The following ASCC3 variants were observed in gnomAD, a reference collection of about 807,000 sequenced individuals.
ASCC3 encodes the protein ASC-1 complex subunit P200.
Under a neutral mutation model 256.3 loss-of-function variants are expected in ASCC3, and 158 were observed. The ratio of observed to expected loss-of-function variants is 0.62; its 90% CI spans 0.54 to 0.70. The LOEUF (loss-of-function observed/expected upper bound fraction) is 0.70, where lower values mean the gene tolerates loss of function less well. Among genes scored for constraint, ASCC3 ranks in the 30% least tolerant of loss-of-function variants. The pLI is 0.00. For synonymous variants in ASCC3, 948 were observed against 883.4 expected (o/e 1.07, Z -1.30); for missense variants, 2,259 against 2,626.0 (o/e 0.86, Z 3.05).
chr6:100,752,435 C>G (rs1158392350), intron 10 of ASCC3, among the ~76,000 whole-genome samples: 7 of 152,096 alleles, frequency 4.6e-5, no homozygotes, highest in Non-Finnish European at 7.4e-5. Flanking sequence ...TTCCAACTTA[C>G]TCTAGAAATG....
At chr6:100,580,769 T>A (rs1233595414) in intron 36 of ASCC3, among the ~76,000 whole-genome samples, 1 of 130,898 alleles carries the variant, frequency 7.6e-6, no homozygotes, top group African/African-American at 2.9e-5. Context: ...AGTGTGATGT[T>A]CCCCTTCCTG....
intron 13 of ASCC3, among the ~76,000 whole-genome samples, chr6:100,713,543 C>G (rs768422110): frequency 6.6e-6 from 1 of 152,036 alleles, no homozygotes; most frequent in Non-Finnish European, 1.5e-5. Flanking sequence ...AAGAGTTAAC[C>G]TTAACGTAAA....
chr6:100,600,669 T>C (rs1772561857), intron 34 of ASCC3, among the ~76,000 whole-genome samples: 1 of 152,066 alleles, frequency 6.6e-6, no homozygotes. Flanking sequence ...TACAATGGTT[T>C]AATATTTTCT....
intron 8 of ASCC3, among the ~76,000 whole-genome samples, chr6:100,784,125 G>C (rs2114271157): frequency 6.6e-6 from 1 of 152,032 alleles, no homozygotes; most frequent in South Asian, 2.1e-4. Flanking sequence ...TTATTTTTAA[G>C]GTAAATTTTT....
rs938307009 is a variant in ASCC3, at chr6:100,770,229, T to C, written c.1396-2884A>G. On this transcript the variant is annotated intron_variant, in intron 8 of 41. Coordinates refer to ENST00000369162, the MANE Select transcript of ASCC3 (RefSeq NM_006828.4). Reference sequence around the variant, plus strand: ...AAAACTACATGATCATCTTAATAAATGCAGAAAAAGCATTTGACAAAATCG... The same window carrying C: ...AAAACTACATGATCATCTTAATAAACGCAGAAAAAGCATTTGACAAAATCG... Among the ~76,000 whole-genome samples the C allele has an allele frequency of 3.3e-5, 5 of 152,040 alleles. No homozygotes were observed. The East Asian group carries it at 5.8e-4, about 18-fold the overall frequency.
chr6:100,687,360 T>C (rs891572524), intron 13 of ASCC3, among the ~76,000 whole-genome samples: 4 of 151,954 alleles, frequency 2.6e-5, no homozygotes, highest in African/African-American at 7.3e-5. Flanking sequence ...TCTTTAATAG[T>C]TTTTTGTTTG....
chr6:100,759,398 C>T (rs1308516290), intron 10 of ASCC3, among the ~76,000 whole-genome samples: 1 of 152,066 alleles, frequency 6.6e-6, no homozygotes. Context: ...TTTAATTCAT[C>T]TTGAGTTAAT....
intron 3 of ASCC3, among the ~76,000 whole-genome samples, chr6:100,851,415 T>G (rs1018549453): frequency 1.3e-5 from 2 of 152,220 alleles, no homozygotes; most frequent in Non-Finnish European, 2.9e-5. Context: ...GCCATATACA[T>G]TCACTAAATA....
intron 1 of ASCC3, among the ~76,000 whole-genome samples, chr6:100,871,915 A>C (rs2114564830): frequency 6.6e-6 from 1 of 152,360 alleles, no homozygotes; most frequent in East Asian, 1.9e-4. Flanking sequence ...CACAGTATGT[A>C]TGTACACTGT....
intron 8 of ASCC3, among the ~76,000 whole-genome samples, chr6:100,794,013 T>C (rs185200489): frequency 1.3e-5 from 2 of 152,164 alleles, no homozygotes; most frequent in Admixed American, 1.3e-4. Flanking sequence ...TCCTATTTAA[T>C]CAGTCATCAG....
chr6:100,704,894 AT>A (rs1778511089), intron 13 of ASCC3, among the ~76,000 whole-genome samples: 1 of 152,096 alleles, frequency 6.6e-6, no homozygotes. Flanking sequence ...GAAGTTTCTA[AT>A]TTCTTTTCCT....
intron 8 of ASCC3, among the ~76,000 whole-genome samples, chr6:100,779,674 C>G (rs2114254444): frequency 6.6e-6 from 1 of 152,242 alleles, no homozygotes; most frequent in South Asian, 2.1e-4. Context: ...GTGTAGAAAG[C>G]TCAGGACTTC....
intron 10 of ASCC3, among the ~76,000 whole-genome samples, chr6:100,729,800 A>G (rs1404280001): frequency 1.3e-5 from 2 of 152,232 alleles, no homozygotes; most frequent in Non-Finnish European, 2.9e-5. Context: ...TCTTGTCTTT[A>G]TAACATTTAA....
chr6:100,723,860 T>TTATATATATATATA (rs58924032), intron 11 of ASCC3, among the ~76,000 whole-genome samples: 11 of 110,226 alleles, frequency 1.0e-4, no homozygotes, highest in South Asian at 2.9e-4. Flanking sequence ...TATTAGGGAA[T>TTATATATATATATA]TATATATATA....
In ASCC3 at chr6:100,566,044, A is replaced by C. The variant is rs999939939; in HGVS notation, c.5550+23590T>G. ...AATCCCTAAAAATGTAAAGGTGTCC[A>C]GAGTAAAGCAGCTCTGAATGCAAAA... On this transcript the variant is annotated intron_variant, in intron 36 of 41. Coordinates refer to ENST00000369162, the MANE Select transcript of ASCC3 (RefSeq NM_006828.4). Among the ~76,000 whole-genome samples, 6 of 152,290 alleles carry C rather than the reference A, an allele frequency of 3.9e-5. No homozygotes were observed. The Middle Eastern group carries it at 0.01, about 259-fold the overall frequency.
chr6:100,833,808 C>T (rs1771742415), intron 4 of ASCC3, among the ~76,000 whole-genome samples: 1 of 152,080 alleles, frequency 6.6e-6, no homozygotes, highest in Non-Finnish European at 1.5e-5. Flanking sequence ...GAAATCCTGG[C>T]GGCTCATGCC....
intron 14 of ASCC3, among the ~76,000 whole-genome samples, chr6:100,675,636 T>G (rs1224777970): frequency 6.6e-6 from 1 of 152,210 alleles, no homozygotes; most frequent in East Asian, 1.9e-4. Context: ...CGTATTACTA[T>G]TGGATTCTTC....
chr6:100,808,157 T>C (rs1179280372), intron 4 of ASCC3, among the ~76,000 whole-genome samples: 1 of 151,946 alleles, frequency 6.6e-6, no homozygotes, highest in East Asian at 1.9e-4. Flanking sequence ...ATACCAGTGA[T>C]AATATTAATG....
At chr6:100,585,334 C>T (rs1334983203) in intron 36 of ASCC3, among the ~76,000 whole-genome samples, 2 of 152,160 alleles carry the variant, frequency 1.3e-5, no homozygotes, top group Non-Finnish European at 2.9e-5. Context: ...TTAATTTCAT[C>T]TTCCATCGCT....
Sources: allele counts gnomAD v4.1 joint callset (sites outside exome capture counted in the v4.1 genomes callset), GRCh38; gene constraint gnomAD v4.1.1; transcripts MANE v1.5; gene names NCBI Gene and HGNC (gene_info 2026-07-23, HGNC 2026-07-21).